The following CPS1 variants were observed in gnomAD, a reference collection of about 807,000 sequenced individuals.
The protein encoded by CPS1 is carbamoyl-phosphate synthase [ammonia], mitochondrial.
A neutral mutation model predicts 174.6 loss-of-function variants in CPS1; 109 were observed. The ratio of observed to expected loss-of-function variants is 0.62; its 90% confidence interval spans 0.53 to 0.73. CPS1 has a LOEUF of 0.73. CPS1 is among the 30% of genes least tolerant of loss of function. CPS1 has a pLI of 0.00. For missense variants in CPS1, 1,689 were observed against 1,821.9 expected, an observed-to-expected ratio of 0.93 and a Z score of 1.33; for synonymous variants, 637 against 632.0, an observed-to-expected ratio of 1.01 and a Z score of -0.12.
chr2:210,509,407 A>G (rs1574478549), intron 1 of CPS1, among the ~76,000 whole-genome samples: 1 of 152,318 alleles, frequency 6.6e-6, no homozygotes, highest in Admixed American at 6.5e-5. Flanking sequence ...ATCTATGACA[A>G]ACCCACAGCC....
intron 1 of CPS1, among the ~76,000 whole-genome samples, chr2:210,486,490 C>T (rs1187812869): frequency 6.6e-6 from 1 of 152,148 alleles, no homozygotes; most frequent in East Asian, 1.9e-4. Context: ...ATATCCAGAG[C>T]TGCCCATAGG....
intron 1 of CPS1, among the ~76,000 whole-genome samples, chr2:210,494,627 A>G (rs1430978814): frequency 6.6e-6 from 1 of 152,116 alleles, no homozygotes; most frequent in African/African-American, 2.4e-5. Context: ...CAATAAATGA[A>G]TGCAAAAAAT....
At position 210,605,269 on chromosome 2, in the gene CPS1, C is replaced by T. The variant is rs144775808; in HGVS notation, c.1981+23C>T. The T allele has an allele frequency of 2.8e-4, 454 of 1,611,088 alleles. 1 individual carries two copies. Among genetic ancestry groups the T allele is most frequent in the Non-Finnish European group, 3.6e-4 (428 of 1,178,024 alleles). On this transcript the variant is annotated intron_variant, in intron 17 of 37. Coordinates refer to ENST00000233072, the MANE Select transcript of CPS1 (RefSeq NM_001875.5). ...CAGGTAGGCAAAGTATCTTCAAGAACTATAGTAATGCTTTCAGTTCATGTC... is the reference window on the plus strand; with the variant it reads ...CAGGTAGGCAAAGTATCTTCAAGAATTATAGTAATGCTTTCAGTTCATGTC...
intron 13 of CPS1, among the ~76,000 whole-genome samples, chr2:210,598,799 A>G (rs1219700284): frequency 6.6e-6 from 1 of 151,836 alleles, no homozygotes; most frequent in Non-Finnish European, 1.5e-5. Flanking sequence ...GTATTAAACA[A>G]ATCATTGAGG....
At chr2:210,514,595 T>C (rs558618884) in intron 1 of CPS1, among the ~76,000 whole-genome samples, 1 of 152,000 alleles carries the variant, frequency 6.6e-6, no homozygotes, top group African/African-American at 2.4e-5. Context: ...TTTAGGGTTT[T>C]CTAGGCATAG....
In CPS1 at chr2:210,595,702, A is replaced by C. The variant is rs71422703; in HGVS notation, c.1359+120A>C. On this transcript the variant is annotated intron_variant, in intron 13 of 37. Transcript: ENST00000233072. ...AAAGTTGCTATAATTATTTTCCTTA[A>C]CTGTGCCTTTATAAATCTTGTATTA... is the stretch of plus-strand genomic sequence containing the variant. 0.027 allele frequency: 19,904 copies of C among 746,994 alleles called. 361 individuals carry two copies. The highest frequency in any genetic ancestry group is 0.057 in the South Asian group (3,615 of 63,008). 46.3% of individuals were successfully genotyped at this position (746,994 alleles called of 1,614,324 possible).
chr2:210,595,579 G>A lies in CPS1; in HGVS notation c.1356G>A (p.Met452Ile). The A allele has an allele frequency of 6.2e-7, 1 of 1,601,234 alleles. No homozygotes were observed. The highest frequency in any genetic ancestry group is 1.1e-5 in the South Asian group (1 of 90,808). The change falls in exon 13 of 38, where the codon ATG (methionine) becomes ATA (isoleucine). Residue 452 changes from methionine (M) to isoleucine (I), a missense_variant. By Grantham distance (10) the Met-to-Ile change is conservative. Coordinates refer to ENST00000233072, the MANE Select transcript of CPS1 (RefSeq NM_001875.5). Reference sequence around the variant, plus strand: ...CAGGATCTCAAGCTGTAAAAGCCATGAAGGTGAGAGAATATGATCCTTACT... The same window carrying A: ...CAGGATCTCAAGCTGTAAAAGCCATAAAGGTGAGAGAATATGATCCTTACT... The part of the protein sequence containing the change: ...DYSGSQAVKA[M>I]KEENVKTVLM...
chr2:210,660,718 G>C, intron 32 of CPS1, 63 bp downstream of exon 32: 1 of 1,499,004 alleles, frequency 6.7e-7, no homozygotes. Context: ...AGAACAATTT[G>C]TCATCAAAAA....
intron 1 of CPS1, among the ~76,000 whole-genome samples, chr2:210,489,298 G>T (rs1391064365): frequency 6.6e-6 from 1 of 152,212 alleles, no homozygotes; most frequent in Non-Finnish European, 1.5e-5. Flanking sequence ...CTGACTTGGT[G>T]GGTGCGGTAT....
At chr2:210,566,500 G>A (rs1697307758) in intron 1 of CPS1, among the ~76,000 whole-genome samples, 1 of 151,956 alleles carries the variant, frequency 6.6e-6, no homozygotes, top group South Asian at 2.1e-4. Context: ...GGCCTGTTGT[G>A]GCTTATCCAT....
At chr2:210,598,400 A>G (rs1698573183) in intron 13 of CPS1, among the ~76,000 whole-genome samples, 2 of 152,008 alleles carry the variant, frequency 1.3e-5, no homozygotes, top group Middle Eastern at 3.4e-3. Context: ...TGTCCCACTT[A>G]AAAGGAATGG....
chr2:210,621,319 A>T (rs184773071), intron 21 of CPS1, among the ~76,000 whole-genome samples: 1 of 152,230 alleles, frequency 6.6e-6, no homozygotes, highest in Non-Finnish European at 1.5e-5. Flanking sequence ...TATGCTTTGG[A>T]ATTTAGATGT....
intron 33 of CPS1, among the ~76,000 whole-genome samples, chr2:210,665,206 C>T (rs1701051467): frequency 6.6e-6 from 1 of 152,168 alleles, no homozygotes. Context: ...AGAAAAGCAG[C>T]AACCACATGT....
intron 33 of CPS1, among the ~76,000 whole-genome samples, chr2:210,667,724 C>T (rs550930746): frequency 3.3e-5 from 5 of 152,248 alleles, no homozygotes; most frequent in East Asian, 1.9e-4. Context: ...TCAGCAGTTA[C>T]GCATTTCTGC....
intron 19 of CPS1, among the ~76,000 whole-genome samples, chr2:210,610,486 C>T (rs997836436): frequency 8.6e-5 from 13 of 151,640 alleles, no homozygotes; most frequent in Middle Eastern, 6.8e-3. Context: ...TAAACTGACC[C>T]GAATAGACAA....
chr2:210,594,852 C>T (rs1174373997), intron 12 of CPS1, among the ~76,000 whole-genome samples: 1 of 151,804 alleles, frequency 6.6e-6, no homozygotes, highest in African/African-American at 2.4e-5. Context: ...TTTGTAATAA[C>T]ATAACAAAGA....
chr2:210,584,071 C>T (rs547805118), intron 6 of CPS1, among the ~76,000 whole-genome samples: 1 of 152,174 alleles, frequency 6.6e-6, no homozygotes, highest in South Asian at 2.1e-4. Flanking sequence ...TTATGGGATA[C>T]TGCTATGAAA....
intron 15 of CPS1, among the ~76,000 whole-genome samples, chr2:210,601,981 T>A (rs1194569716): frequency 2.0e-5 from 3 of 151,944 alleles, no homozygotes; most frequent in African/African-American, 7.2e-5. Flanking sequence ...AAAGTGTATT[T>A]CTTAGAAGAT....
chr2:210,481,729 T>G (rs552064189), intron 1 of CPS1, among the ~76,000 whole-genome samples: 1 of 152,278 alleles, frequency 6.6e-6, no homozygotes, highest in East Asian at 1.9e-4. Flanking sequence ...GCTTCATTTT[T>G]CCTTTCTATT....
Sources: allele counts gnomAD v4.1 joint callset (sites outside exome capture counted in the v4.1 genomes callset), GRCh38; gene constraint gnomAD v4.1.1; transcripts MANE v1.5; gene names NCBI Gene and HGNC (gene_info 2026-07-23, HGNC 2026-07-21).